Variants in INPP5A observed in about 807,000 individuals in gnomAD.
The protein encoded by INPP5A is inositol polyphosphate-5-phosphatase A.
Under a neutral mutation model 65.2 loss-of-function variants are expected in INPP5A, and 14 were observed. The observed-to-expected ratio is 0.21, with a 90% CI of 0.14 to 0.34. INPP5A has a LOEUF of 0.34. Ranked by LOEUF, INPP5A falls within the 10% of genes least tolerant of loss-of-function variation. The pLI is 1.00. For synonymous variants in INPP5A, 207 were observed against 208.3 expected (o/e 0.99, Z 0.05); for missense variants, 431 against 545.6 (o/e 0.79, Z 2.09).
chr10:132,730,548 C>T (rs913790349), intron 9 of INPP5A, among the ~76,000 whole-genome samples: 17 of 152,256 alleles, frequency 1.1e-4, no homozygotes, highest in African/African-American at 3.4e-4. Context: ...GCAGCTCCTG[C>T]GTGCAGCTTG....
intron 1 of INPP5A, among the ~76,000 whole-genome samples, chr10:132,606,829 T>G (rs756030344): frequency 2.0e-5 from 3 of 152,242 alleles, no homozygotes; most frequent in Non-Finnish European, 4.4e-5. Context: ...TGTTTATTGT[T>G]TTTAATCGCG....
intron 13 of INPP5A, among the ~76,000 whole-genome samples, chr10:132,779,043 G>T (rs1847114441): frequency 6.6e-6 from 1 of 152,256 alleles, no homozygotes; most frequent in Non-Finnish European, 1.5e-5. Context: ...TGAGGAGCCT[G>T]CCTGGTGGGG....
intron 1 of INPP5A, among the ~76,000 whole-genome samples, chr10:132,588,876 G>GCCA (rs1350395300): frequency 6.6e-6 from 1 of 150,704 alleles, no homozygotes; most frequent in African/African-American, 2.5e-5. Context: ...TGTGTGTGTT[G>GCCA]TCATGGTGGT....
chr10:132,691,858 G>C (rs1845271315), intron 5 of INPP5A, among the ~76,000 whole-genome samples: 1 of 151,766 alleles, frequency 6.6e-6, no homozygotes, highest in Non-Finnish European at 1.5e-5. Context: ...GGTCGCGGGA[G>C]ACGTGTGGTC....
intron 6 of INPP5A, among the ~76,000 whole-genome samples, chr10:132,700,970 T>C (rs1196412782): frequency 6.6e-6 from 1 of 152,206 alleles, no homozygotes; most frequent in Admixed American, 6.5e-5. Context: ...GAGTCATTTT[T>C]TTCCTTTTGC....
At chr10:132,718,025 G>C (rs1306506469) in intron 8 of INPP5A, among the ~76,000 whole-genome samples, 1 of 146,584 alleles carries the variant, frequency 6.8e-6, no homozygotes, top group Non-Finnish European at 1.5e-5. Flanking sequence ...CCTGAGTTCT[G>C]TCTGGGCGCC....
chr10:132,633,115 A>G (rs2072296024), intron 2 of INPP5A, among the ~76,000 whole-genome samples: 1 of 152,178 alleles, frequency 6.6e-6, no homozygotes, highest in Non-Finnish European at 1.5e-5. Context: ...AGGTAAAGAC[A>G]TTGCAACAAA....
At chr10:132,739,216 T>C (rs1195748789) in intron 9 of INPP5A, among the ~76,000 whole-genome samples, 3 of 152,228 alleles carry the variant, frequency 2.0e-5, no homozygotes, top group African/African-American at 7.2e-5. Context: ...CATGGCACAC[T>C]TTACAGAACG....
At chr10:132,755,211 G>A (rs894019475) in intron 11 of INPP5A, among the ~76,000 whole-genome samples, 1 of 152,166 alleles carries the variant, frequency 6.6e-6, no homozygotes, top group Non-Finnish European at 1.5e-5. Flanking sequence ...ATGAGCGGGT[G>A]TGTGCATGTG....
intron 9 of INPP5A, among the ~76,000 whole-genome samples, chr10:132,747,304 T>C (rs1162417445): frequency 1.3e-5 from 2 of 152,266 alleles, no homozygotes; most frequent in African/African-American, 4.8e-5. Context: ...GGCTCCAGAC[T>C]GATTTGTGAC....
At chr10:132,764,999 A>T (rs1846815655) in intron 11 of INPP5A, among the ~76,000 whole-genome samples, 1 of 126,492 alleles carries the variant, frequency 7.9e-6, no homozygotes, top group Non-Finnish European at 1.6e-5. Context: ...GTGCGTGGTG[A>T]CACTCAGGAA....
chr10:132,746,617 G>C (rs541557836), intron 9 of INPP5A, among the ~76,000 whole-genome samples: 9 of 152,212 alleles, frequency 5.9e-5, no homozygotes, highest in Non-Finnish European at 1.2e-4. Context: ...TGATCCACAC[G>C]CGTGTGGATG....
At chr10:132,617,095 A>G (rs1267113731) in intron 2 of INPP5A, among the ~76,000 whole-genome samples, 1 of 152,052 alleles carries the variant, frequency 6.6e-6, no homozygotes, top group Non-Finnish European at 1.5e-5. Flanking sequence ...CTCTCCCTCC[A>G]TCATCTGGTG....
chr10:132,710,575 T>TG (rs1361211073), intron 8 of INPP5A, 119 bp downstream of exon 8: 34 of 1,333,980 alleles, frequency 2.5e-5, no homozygotes, highest in Non-Finnish European at 3.4e-5. Flanking sequence ...TCGGTGTGGG[T>TG]GGACAGGTAG....
Position 132,735,126 on chromosome 10 carries a change from C to T in INPP5A, c.732+8221C>T, listed in dbSNP as rs140706974. Among the ~76,000 whole-genome samples the T allele has an allele frequency of 3.9e-5, 6 of 152,312 alleles. No individual in the cohort carries two copies. The East Asian group carries it at 1.2e-3, about 29-fold the overall frequency. On this transcript the variant is annotated intron_variant, in intron 9 of 15. Transcript: ENST00000368594. ...ATGGGTTAGAGTGAGACCCTGTGGG[C>T]TCCATGCAGGCTAGTCCTCCCCACC...
chr10:132,597,126 C>T (rs1029090645), intron 1 of INPP5A, among the ~76,000 whole-genome samples: 1 of 150,998 alleles, frequency 6.6e-6, no homozygotes, highest in African/African-American at 2.4e-5. Context: ...TGGGTATGTG[C>T]ACGTGTGCAT....
intron 2 of INPP5A, among the ~76,000 whole-genome samples, chr10:132,617,270 G>C (rs950684156): frequency 1.3e-5 from 2 of 152,114 alleles, no homozygotes; most frequent in African/African-American, 4.8e-5. Flanking sequence ...GACAGTCCCC[G>C]CCCTTCAGAG....
intron 2 of INPP5A, among the ~76,000 whole-genome samples, chr10:132,630,914 G>A (rs76587618): frequency 0.12 from 17,699 of 152,226 alleles, 1,478 homozygotes; most frequent in East Asian, 0.35. Flanking sequence ...TGCCCGTGGC[G>A]TCTCCGGCAG....
chr10:132,726,950 G>T (rs1825031292), intron 9 of INPP5A, 45 bp downstream of exon 9: 1 of 1,399,536 alleles, frequency 7.1e-7, no homozygotes, highest in Non-Finnish European at 9.9e-7. Flanking sequence ...GCCTTGCTCT[G>T]TGTTGAGGAA....
Sources: allele counts gnomAD v4.1 joint callset (sites outside exome capture counted in the v4.1 genomes callset), GRCh38; gene constraint gnomAD v4.1.1; transcripts MANE v1.5; gene names NCBI Gene and HGNC (gene_info 2026-07-23, HGNC 2026-07-21).